GHR: variants seen among roughly 807,000 people sequenced by gnomAD.
The protein encoded by GHR is GH receptor.
Under a neutral mutation model 67.1 loss-of-function variants are expected in GHR, and 35 were observed. The observed-to-expected ratio is 0.52, with a 90% CI of 0.40 to 0.69. The LOEUF (loss-of-function observed/expected upper bound fraction) is 0.69, where lower values mean the gene tolerates loss of function less well. Ranked by LOEUF, GHR falls within the 30% of genes least tolerant of loss-of-function variation. The pLI is 0.00. For missense variants in GHR, 792 were observed against 764.6 expected, an observed-to-expected ratio of 1.04 and a Z score of -0.42; for synonymous variants, 272 against 269.1, an observed-to-expected ratio of 1.01 and a Z score of -0.10.
chr5:42,711,075 C>T, intron 6 of GHR, 132 bp from the exon 7 acceptor site: 1 of 732,370 alleles, frequency 1.4e-6, no homozygotes, highest in Admixed American at 2.0e-5. Flanking sequence ...AACAAATGCT[C>T]ACAATGCATT....
At position 42,688,934 on chromosome 5, in the gene GHR, C is replaced by G. The variant is rs121909358; in HGVS notation, c.181C>G (p.Arg61Gly). The change falls in exon 4 of 10, where the codon CGA becomes GGA. Residue 61 changes from arginine (R) to glycine (G), a missense_variant. Physicochemically the swap from Arg to Gly is moderately radical, Grantham distance 125. Coordinates refer to ENST00000230882, the MANE Select transcript of GHR (RefSeq NM_000163.5). ...PKFTKCRSPE[R>G]ETFSCHWTDE... ...ATTCACCAAGTGCCGTTCACCTGAG[C>G]GAGAGACTTTTTCATGCCACTGGAC... 6.2e-7 allele frequency: 1 copy of G among 1,613,116 alleles called. No homozygotes were observed. The highest frequency in any genetic ancestry group is 8.5e-7 in the Non-Finnish European group (1 of 1,179,114).
chr5:42,508,234 A>C (rs997647592), intron 1 of GHR, among the ~76,000 whole-genome samples: 1 of 152,186 alleles, frequency 6.6e-6, no homozygotes, highest in Non-Finnish European at 1.5e-5. Flanking sequence ...GAGCTGAGAG[A>C]ACTGGTCTGA....
At chr5:42,648,819 C>T (rs7729049) in intron 3 of GHR, among the ~76,000 whole-genome samples, 6,958 of 151,982 alleles carry the variant, frequency 0.046, 319 homozygotes, top group African/African-American at 0.12. Context: ...ATATAGCAAC[C>T]GCCTGCAGAT....
At chr5:42,465,131 CT>C (rs1744668914) in intron 1 of GHR, among the ~76,000 whole-genome samples, 1 of 152,138 alleles carries the variant, frequency 6.6e-6, no homozygotes, top group African/African-American at 2.4e-5. Context: ...TTATAATAAT[CT>C]TTAATGAAAA....
At chr5:42,449,958 A>G (rs1743976056) in intron 1 of GHR, among the ~76,000 whole-genome samples, 1 of 152,110 alleles carries the variant, frequency 6.6e-6, no homozygotes, top group South Asian at 2.1e-4. Flanking sequence ...GTAAACCTAC[A>G]TCCCTGGTAT....
chr5:42,570,767 T>C (rs1750254610), intron 2 of GHR, among the ~76,000 whole-genome samples: 1 of 152,186 alleles, frequency 6.6e-6, no homozygotes, highest in Non-Finnish European at 1.5e-5. Context: ...AAACATAATT[T>C]AATTGTGATC....
chr5:42,569,837 C>T (rs777515103), intron 2 of GHR, among the ~76,000 whole-genome samples: 3 of 152,082 alleles, frequency 2.0e-5, no homozygotes, highest in Non-Finnish European at 4.4e-5. Flanking sequence ...CACTCAAATT[C>T]TGCAAAAGGT....
intron 1 of GHR, among the ~76,000 whole-genome samples, chr5:42,482,340 G>A (rs1283509439): frequency 6.6e-6 from 1 of 152,216 alleles, no homozygotes; most frequent in East Asian, 1.9e-4. Flanking sequence ...GGACCCACTT[G>A]AGGAGGCAGT....
chr5:42,578,625 A>G (rs190087606), intron 2 of GHR, among the ~76,000 whole-genome samples: 4 of 152,354 alleles, frequency 2.6e-5, no homozygotes, highest in Admixed American at 2.0e-4. Flanking sequence ...TTGAAGCTCT[A>G]TAACAGGAAT....
intron 1 of GHR, chr5:42,468,660 G>A (rs1388974254): frequency 2.9e-6 from 3 of 1,033,858 alleles, no homozygotes; most frequent in Non-Finnish European, 4.5e-6. Context: ...TCCTTGCGCA[G>A]CTAGCTATTT....
intron 1 of GHR, among the ~76,000 whole-genome samples, chr5:42,437,439 G>A (rs190151870): frequency 6.6e-6 from 1 of 152,244 alleles, no homozygotes; most frequent in East Asian, 1.9e-4. Flanking sequence ...TGGGCCTTCA[G>A]TCCTGCAAAG....
At chr5:42,559,474 A>G (rs1177577113) in intron 1 of GHR, among the ~76,000 whole-genome samples, 1 of 152,248 alleles carries the variant, frequency 6.6e-6, no homozygotes, top group Non-Finnish European at 1.5e-5. Context: ...TGAGCCAAAG[A>G]GTTGGAGACT....
rs1426990271 is a variant in GHR at position 42,678,677 on chromosome 5, CTTT to C, written c.137-10212_137-10210del. ...AGACAAAGGAAACATTCTTGCCTTT[CTTT>C]GAGGGAATTATAGACCAACAATTTT... On this transcript the variant is annotated intron_variant, in intron 3 of 9. Coordinates refer to ENST00000230882, the MANE Select transcript of GHR (RefSeq NM_000163.5). 2.0e-5 allele frequency among the ~76,000 whole-genome samples: 3 copies of C among 152,120 alleles called. No homozygotes were observed. The East Asian group carries it at 5.8e-4, about 29-fold the overall frequency.
chr5:42,511,379 T>C (rs1747007431), intron 1 of GHR, among the ~76,000 whole-genome samples: 1 of 152,270 alleles, frequency 6.6e-6, no homozygotes, highest in South Asian at 2.1e-4. Context: ...AATACTCATG[T>C]ATTGGCTGAA....
In GHR at chr5:42,721,725, T is replaced by C. The variant is rs1759031305; in HGVS notation, c.*2301T>C. ...GTACTTTGGTGGCCACATAAGCCATTATTCACTAGTATGACTAGTTGTGTC... is the reference window on the plus strand; with the variant it reads ...GTACTTTGGTGGCCACATAAGCCATCATTCACTAGTATGACTAGTTGTGTC... On this transcript the variant is annotated 3_prime_UTR_variant, in exon 10 of 10. Coordinates refer to ENST00000230882, the MANE Select transcript of GHR (RefSeq NM_000163.5). 1 of 152,646 alleles carries C rather than the reference T, an allele frequency of 6.6e-6. No homozygotes were observed. Among genetic ancestry groups the C allele is most frequent in the South Asian group, 2.1e-4 (1 of 4,832 alleles). The allele number at this position is 152,646 out of a possible 1,614,324, so 9.5% of individuals were successfully genotyped here.
chr5:42,524,128 G>C (rs1328504813), intron 1 of GHR, among the ~76,000 whole-genome samples: 1 of 152,216 alleles, frequency 6.6e-6, no homozygotes, highest in East Asian at 1.9e-4. Context: ...ATGTGGAAGT[G>C]ACTTTGGAAC....
At chr5:42,529,210 A>C (rs1026242865) in intron 1 of GHR, among the ~76,000 whole-genome samples, 1 of 152,018 alleles carries the variant, frequency 6.6e-6, no homozygotes, top group Admixed American at 6.6e-5. Context: ...ACGGGGTTTC[A>C]CCATATTAGC....
intron 2 of GHR, among the ~76,000 whole-genome samples, chr5:42,598,414 T>C (rs1752195236): frequency 6.6e-6 from 1 of 152,178 alleles, no homozygotes; most frequent in African/African-American, 2.4e-5. Flanking sequence ...CTGGGGATAA[T>C]GGGTGAAATT....
At chr5:42,706,613 GCCAGTTAC>G (rs1481755087) in intron 6 of GHR, among the ~76,000 whole-genome samples, 17 of 152,028 alleles carry the variant, frequency 1.1e-4, no homozygotes, top group Admixed American at 2.0e-4. Flanking sequence ...CATATAACTA[GCCAGTTAC>G]CCAGCACCAT....
Sources: allele counts gnomAD v4.1 joint callset (sites outside exome capture counted in the v4.1 genomes callset), GRCh38; gene constraint gnomAD v4.1.1; transcripts MANE v1.5; gene names NCBI Gene and HGNC (gene_info 2026-07-23, HGNC 2026-07-21).